The following AIM2 variants were observed in gnomAD, a reference collection of about 807,000 sequenced individuals.
AIM2 encodes the protein interferon-inducible protein AIM2.
In AIM2, 30 loss-of-function variants were observed where a neutral mutation model predicts 27.7. That is an observed-to-expected ratio of 1.08 (90% CI 0.81 to 1.47). The LOEUF is 1.47. Among genes scored for constraint, AIM2 ranks in the 40% most tolerant of loss-of-function variants. AIM2 has a pLI of 0.00. For missense variants in AIM2, 358 were observed against 411.3 expected (o/e 0.87, Z 1.12); for synonymous variants, 141 against 145.3 (o/e 0.97, Z 0.21).
intron 4 of AIM2, among the ~76,000 whole-genome samples, chr1:159,064,065 A>T (rs1655972635): frequency 6.6e-6 from 1 of 152,214 alleles, no homozygotes; most frequent in Non-Finnish European, 1.5e-5. Flanking sequence ...GTGACTGCTT[A>T]TGTTGTCCGT....
chr1:159,115,705 G>A (rs909809465), intron 1 of AIM2, among the ~76,000 whole-genome samples: 3 of 152,160 alleles, frequency 2.0e-5, no homozygotes, highest in African/African-American at 4.8e-5. Context: ...AGACTTAAAT[G>A]TTAGACCTAA....
At chr1:159,103,763 C>T (rs1348816091) in intron 1 of AIM2, among the ~76,000 whole-genome samples, 1 of 152,232 alleles carries the variant, frequency 6.6e-6, no homozygotes, top group African/African-American at 2.4e-5. Context: ...CTTCCATAGC[C>T]TTCCCGAATA....
chr1:159,139,071 G>A (rs1648064497), intron 1 of AIM2, among the ~76,000 whole-genome samples: 2 of 152,190 alleles, frequency 1.3e-5, no homozygotes, highest in African/African-American at 4.8e-5. Flanking sequence ...CAGTCCTGGT[G>A]ATATCCTTCA....
At chr1:159,105,986 A>G (rs1273265246) in intron 1 of AIM2, among the ~76,000 whole-genome samples, 3 of 152,028 alleles carry the variant, frequency 2.0e-5, no homozygotes, top group Non-Finnish European at 4.4e-5. Context: ...TCCTGTCTCC[A>G]TTAATCATGT....
chr1:159,141,676 C>A (rs1266165003), upstream of AIM2, among the ~76,000 whole-genome samples: 1 of 152,120 alleles, frequency 6.6e-6, no homozygotes, highest in Non-Finnish European at 1.5e-5. Context: ...TCCATTGCGC[C>A]ACAGAGACCT....
chr1:159,060,575 A>C (rs1049286827), downstream of AIM2, among the ~76,000 whole-genome samples: 13 of 152,170 alleles, frequency 8.5e-5, no homozygotes, highest in Admixed American at 3.9e-4. Context: ...TCTCAACTCC[A>C]AGCTCCTAGA....
intron 1 of AIM2, among the ~76,000 whole-genome samples, chr1:159,089,565 C>T (rs1046299198): frequency 6.6e-6 from 1 of 152,216 alleles, no homozygotes; most frequent in Non-Finnish European, 1.5e-5. Context: ...GTTTCACTAT[C>T]TGGTTCTCCC....
At chr1:159,104,353 T>A (rs563488030) in intron 1 of AIM2, among the ~76,000 whole-genome samples, 13 of 152,310 alleles carry the variant, frequency 8.5e-5, no homozygotes, top group African/African-American at 3.1e-4. Flanking sequence ...ACATCCTAAA[T>A]GTGCAACTGA....
intron 1 of AIM2, among the ~76,000 whole-genome samples, chr1:159,146,828 T>C (rs1278303357): frequency 6.6e-6 from 1 of 152,168 alleles, no homozygotes; most frequent in African/African-American, 2.4e-5. Flanking sequence ...GTCTTTGTTA[T>C]TGTCAGCCCT....
At chr1:159,091,437 T>G (rs921514020) in intron 1 of AIM2, among the ~76,000 whole-genome samples, 5 of 152,242 alleles carry the variant, frequency 3.3e-5, no homozygotes, top group African/African-American at 9.6e-5. Context: ...GGGTCCCTTT[T>G]GACTACTGTC....
chr1:159,066,147 A>C lies in AIM2; in HGVS notation c.579T>G (p.Phe193Leu). The C allele has an allele frequency of 3.7e-6, 6 of 1,614,246 alleles. No homozygotes were observed. The highest frequency in any genetic ancestry group is 5.1e-6 in the Non-Finnish European group (6 of 1,180,032). The change falls in exon 4 of 6, where the codon TTT becomes TTG. Residue 193 changes from phenylalanine (F) to leucine (L), a missense_variant. By Grantham distance (22) the Phe-to-Leu change is conservative. Coordinates refer to ENST00000368130, the MANE Select transcript of AIM2 (RefSeq NM_004833.3). ...TEKEFFFVKV[F>L]NTLLKDKFIP... ...TGAATTTATCTTTCAGCAGTGTATTAAAAACTTTTACAAAGAAGAATTCCT... is the reference window on the plus strand; with the variant it reads ...TGAATTTATCTTTCAGCAGTGTATTCAAAACTTTTACAAAGAAGAATTCCT...
At chr1:159,100,699 G>C (rs928955095) in intron 1 of AIM2, among the ~76,000 whole-genome samples, 2 of 152,220 alleles carry the variant, frequency 1.3e-5, no homozygotes, top group African/African-American at 4.8e-5. Context: ...GCAAAGCTTA[G>C]TGAAGAGGAA....
intron 1 of AIM2, among the ~76,000 whole-genome samples, chr1:159,140,271 C>T (rs537068073): frequency 6.6e-6 from 1 of 152,318 alleles, no homozygotes; most frequent in African/African-American, 2.4e-5. Flanking sequence ...AAATGTAAAG[C>T]TATGTTAGCT....
intron 1 of AIM2, among the ~76,000 whole-genome samples, chr1:159,092,385 A>G (rs900240979): frequency 1.3e-5 from 2 of 152,218 alleles, no homozygotes; most frequent in Admixed American, 1.3e-4. Context: ...ACTATGAATA[A>G]GTTAAACTCC....
intron 1 of AIM2, among the ~76,000 whole-genome samples, chr1:159,123,749 T>C (rs1425570676): frequency 1.3e-5 from 2 of 152,228 alleles, no homozygotes; most frequent in African/African-American, 4.8e-5. Context: ...TCCATTCTTT[T>C]TAAATCACAA....
intron 1 of AIM2, among the ~76,000 whole-genome samples, chr1:159,087,159 A>G (rs984776990): frequency 3.9e-5 from 6 of 152,086 alleles, no homozygotes; most frequent in Admixed American, 3.3e-4. Context: ...TTTTACTGTT[A>G]ATGGAACCAC....
intron 1 of AIM2, among the ~76,000 whole-genome samples, chr1:159,114,549 T>C (rs1379501406): frequency 6.6e-6 from 1 of 152,126 alleles, no homozygotes; most frequent in African/African-American, 2.4e-5. Context: ...AAACCCTGCC[T>C]CTACAAAAAA....
chr1:159,129,015 A>G (rs1647799586), intron 1 of AIM2, among the ~76,000 whole-genome samples: 4 of 149,986 alleles, frequency 2.7e-5, no homozygotes, highest in Admixed American at 2.7e-4. Context: ...AACATTTAAA[A>G]CCTATGAATG....
intron 1 of AIM2, among the ~76,000 whole-genome samples, chr1:159,091,081 T>C (rs1310528421): frequency 6.6e-6 from 1 of 152,190 alleles, no homozygotes; most frequent in East Asian, 1.9e-4. Flanking sequence ...CACCATTAAA[T>C]GAGAAACCTC....
Sources: allele counts gnomAD v4.1 joint callset (sites outside exome capture counted in the v4.1 genomes callset), GRCh38; gene constraint gnomAD v4.1.1; transcripts MANE v1.5; gene names NCBI Gene and HGNC (gene_info 2026-07-23, HGNC 2026-07-21).